The following GOT2 variants were observed in gnomAD, a reference collection of about 807,000 sequenced individuals.
GOT2 encodes the protein glutamic-oxaloacetic transaminase 2.
Under a neutral mutation model 50.0 loss-of-function variants are expected in GOT2, and 17 were observed. The ratio of observed to expected loss-of-function variants is 0.34; its 90% CI spans 0.23 to 0.51. The LOEUF is 0.51. Ranked by LOEUF, GOT2 falls within the 20% of genes least tolerant of loss-of-function variation. The pLI is 0.97. For missense variants in GOT2, 430 were observed against 559.6 expected (o/e 0.77, Z 2.34); for synonymous variants, 172 against 204.9 (o/e 0.84, Z 1.37).
rs954723196 is a variant in GOT2 at position 58,716,157 on chromosome 16, A to T, written c.876T>A (p.Thr292=). 1 of 1,613,792 alleles carries T rather than the reference A, an allele frequency of 6.2e-7. No homozygotes were observed. Among genetic ancestry groups the T allele is most frequent in the Non-Finnish European group, 8.5e-7 (1 of 1,179,954 alleles). Residue 292 remains threonine, a synonymous_variant, in exon 8 of 10, where the codon ACT becomes ACA. Transcript: ENST00000245206. ...CTTCATCCGCATCTTTGCAGACCAT[A>T]GTGAAGGCTCCTACACGCTCACCTG... The part of the protein sequence containing the change: ...GLYGERVGAF[T]MVCKDADEAK...
intron 1 of GOT2, among the ~76,000 whole-genome samples, chr16:58,728,459 C>G (rs549729447): frequency 2.6e-5 from 4 of 152,200 alleles, no homozygotes; most frequent in African/African-American, 4.8e-5. Flanking sequence ...AAATTATTAT[C>G]ACTCCACTTT....
chr16:58,712,510 A>AAAC (rs1245906013), intron 8 of GOT2, among the ~76,000 whole-genome samples: 8 of 130,312 alleles, frequency 6.1e-5, no homozygotes, highest in Admixed American at 1.6e-4. Context: ...GATTCTCTCA[A>AAAC]AACAACAACA....
At chr16:58,728,837 C>A (rs954964907) in intron 1 of GOT2, among the ~76,000 whole-genome samples, 4 of 152,194 alleles carry the variant, frequency 2.6e-5, no homozygotes, top group African/African-American at 7.2e-5. Flanking sequence ...CCCGCCACCA[C>A]GCCCGGCTAA....
chr16:58,726,891 C>A (rs941128155), intron 1 of GOT2, among the ~76,000 whole-genome samples: 38 of 151,750 alleles, frequency 2.5e-4, no homozygotes, highest in Non-Finnish European at 3.8e-4. Context: ...CAGTGGCTCA[C>A]GCCTGCAATC....
In GOT2 at chr16:58,722,516, G is replaced by A. The variant is rs528276382; in HGVS notation, c.247-238C>T. ...CTCCCGAGTAGCTGGGATTACAGGC[G>A]TGCACCACCACGCCCAGCTAATTTT... is the stretch of plus-strand genomic sequence containing the variant. On this transcript the variant is annotated intron_variant, in intron 2 of 9. Transcript: ENST00000245206. Among the ~76,000 whole-genome samples, 201 of 151,826 alleles carry A rather than the reference G, an allele frequency of 1.3e-3. 1 individual carries two copies. Among genetic ancestry groups the A allele is most frequent in the South Asian group, 9.8e-3 (47 of 4,808 alleles).
rs1287647999 is a variant in GOT2, at chr16:58,716,007, C to A, written c.1019+7G>T. Reference sequence around the variant, plus strand: ...GTAGGTGGCTGGGGAGTGGCATAAACCTTTACCATTGTTTTCGCAAATCTG... The same window carrying A: ...GTAGGTGGCTGGGGAGTGGCATAAAACTTTACCATTGTTTTCGCAAATCTG... On this transcript the variant is annotated splice_region_variant and intron_variant, in intron 8 of 9. Coordinates refer to ENST00000245206, the MANE Select transcript of GOT2 (RefSeq NM_002080.4). 2 of 1,606,606 alleles carry A rather than the reference C, an allele frequency of 1.2e-6. No homozygotes were observed. Among genetic ancestry groups the A allele is most frequent in the Non-Finnish European group, 1.7e-6 (2 of 1,177,536 alleles).
chr16:58,716,711 T>C lies in GOT2; in HGVS notation c.805A>G (p.Ile269Val). 1.9e-6 allele frequency: 3 copies of C among 1,613,990 alleles called. No homozygotes were observed. The highest frequency in any genetic ancestry group is 2.5e-6 in the Non-Finnish European group (3 of 1,179,860). ...WAVRHFIEQG[I>V]NVCLCQSYAK... Reference sequence around the variant, plus strand: ...TATGATTGGCAGAGGCAAACATTAATGCCCTGTTCGATGAAGTGGCGCACA... The same window carrying C: ...TATGATTGGCAGAGGCAAACATTAACGCCCTGTTCGATGAAGTGGCGCACA... The change falls in exon 7 of 10, where the codon ATT becomes GTT. Residue 269 changes from isoleucine to valine, a missense_variant. By Grantham distance (29) the Ile-to-Val change is conservative. Transcript: ENST00000245206.
intron 1 of GOT2, among the ~76,000 whole-genome samples, chr16:58,730,478 G>A (rs1027546675): frequency 9.2e-5 from 14 of 151,568 alleles, no homozygotes; most frequent in African/African-American, 3.2e-4. Flanking sequence ...TCTACCTCCC[G>A]GGCTCAAGTG....
intron 3 of GOT2, among the ~76,000 whole-genome samples, chr16:58,721,022 G>A (rs1459763245): frequency 6.6e-6 from 1 of 152,094 alleles, no homozygotes; most frequent in Non-Finnish European, 1.5e-5. Flanking sequence ...TTCCAGGAGG[G>A]GCTAACAGGC....
intron 8 of GOT2, among the ~76,000 whole-genome samples, chr16:58,712,835 C>T (rs2044660333): frequency 6.6e-6 from 1 of 152,148 alleles, no homozygotes; most frequent in South Asian, 2.1e-4. Context: ...GGTGGCTGGG[C>T]GCAGTGGTTC....
At chr16:58,730,044 T>C (rs1009159071) in intron 1 of GOT2, among the ~76,000 whole-genome samples, 1 of 152,064 alleles carries the variant, frequency 6.6e-6, no homozygotes, top group Non-Finnish European at 1.5e-5. Context: ...TTGAGACAAG[T>C]TTATAATCCA....
At chr16:58,712,647 A>G (rs1281918177) in intron 8 of GOT2, among the ~76,000 whole-genome samples, 1 of 152,238 alleles carries the variant, frequency 6.6e-6, no homozygotes, top group African/African-American at 2.4e-5. Flanking sequence ...ACAGACTCTC[A>G]AATTGTGTAT....
Position 58,722,297 on chromosome 16 carries a change from A to G in GOT2, c.247-19T>C, listed in dbSNP as rs973703660. ...CCTCTGCCTAGACAAGAGAAAATACATCCATTGAATTTCTTCTCCTTACTT... is the reference window on the plus strand; with the variant it reads ...CCTCTGCCTAGACAAGAGAAAATACGTCCATTGAATTTCTTCTCCTTACTT... On this transcript the variant is annotated intron_variant, in intron 2 of 9. Coordinates refer to ENST00000245206, the MANE Select transcript of GOT2 (RefSeq NM_002080.4). The G allele has an allele frequency of 3.1e-5, 50 of 1,610,894 alleles. No homozygotes were observed. Among genetic ancestry groups the G allele is most frequent in the Non-Finnish European group, 3.7e-5 (43 of 1,177,296 alleles).
At chr16:58,714,887 G>A (rs2044679551) in intron 8 of GOT2, among the ~76,000 whole-genome samples, 1 of 152,066 alleles carries the variant, frequency 6.6e-6, no homozygotes, top group Non-Finnish European at 1.5e-5. Flanking sequence ...ATGTTGCCCA[G>A]GCTTGTCTCA....
At chr16:58,719,111 T>G (rs1227365711) in intron 4 of GOT2, 85 bp downstream of exon 4, 2 of 943,166 alleles carry the variant, frequency 2.1e-6, no homozygotes, top group African/African-American at 1.6e-5. Flanking sequence ...AATCTACTTC[T>G]GCATCAACAG....
At position 58,720,500 on chromosome 16, in the gene GOT2, G is replaced by T. The variant is rs539891925; in HGVS notation, c.376-1245C>A. ...ACTAAAAAATTATTTTAAATAGTTT[G>T]TCCTGCAAGCTTTGGCATGATGGAA... On this transcript the variant is annotated intron_variant, in intron 3 of 9. Coordinates refer to ENST00000245206, the MANE Select transcript of GOT2 (RefSeq NM_002080.4). 2.6e-5 allele frequency among the ~76,000 whole-genome samples: 4 copies of T among 151,996 alleles called. No individual in the cohort carries two copies. The South Asian group carries it at 8.3e-4, about 32-fold the overall frequency.
At chr16:58,732,294 A>G (rs2044840452) in intron 1 of GOT2, among the ~76,000 whole-genome samples, 1 of 151,756 alleles carries the variant, frequency 6.6e-6, no homozygotes, top group Non-Finnish European at 1.5e-5. Flanking sequence ...ACACAGTGAG[A>G]CCCTGTATTT....
chr16:58,708,044 T>G lies in GOT2; in HGVS notation c.*127A>C. 1.1e-6 allele frequency: 1 copy of G among 889,514 alleles called. No homozygotes were observed. Among genetic ancestry groups the G allele is most frequent in the Non-Finnish European group, 1.7e-6 (1 of 576,976 alleles). The allele number at this position is 889,514 out of a possible 1,614,324, so 55.1% of individuals were successfully genotyped here. ...CTGAGAAACATTCAAATGCTGAGTG[T>G]TACACACTGTGGCTGAAAGAAATGA... On this transcript the variant is annotated 3_prime_UTR_variant, in exon 10 of 10. Coordinates refer to ENST00000245206, the MANE Select transcript of GOT2 (RefSeq NM_002080.4).
At chr16:58,722,129 G>C (rs1410209642) in intron 3 of GOT2, 21 bp downstream of exon 3, 2 of 1,610,926 alleles carry the variant, frequency 1.2e-6, no homozygotes, top group Non-Finnish European at 1.7e-6. Flanking sequence ...CTGGGATGAT[G>C]CCAGAGCCTG....
Sources: gnomAD v4.1 joint callset for allele counts (sites outside exome capture counted in the v4.1 genomes callset) on GRCh38, gnomAD v4.1.1 for gene constraint, MANE v1.5 for transcripts, NCBI Gene and HGNC (gene_info 2026-07-23, HGNC 2026-07-21) for gene names.